Variants in ABCA1 observed in about 807,000 individuals in gnomAD.
The protein encoded by ABCA1 is phospholipid-transporting ATPase ABCA1.
In ABCA1, 133 loss-of-function variants were observed where a neutral mutation model predicts 262.5. The ratio of observed to expected loss-of-function variants is 0.51; its 90% CI spans 0.44 to 0.59. ABCA1 has a LOEUF of 0.59. ABCA1 is among the 20% of genes least tolerant of loss of function. The pLI is 0.00. For missense variants in ABCA1, 2,452 were observed against 2,777.5 expected, an observed-to-expected ratio of 0.88 and a Z score of 2.63; for synonymous variants, 1,022 against 1,043.5, an observed-to-expected ratio of 0.98 and a Z score of 0.40.
rs137990495 is a variant in ABCA1, at chr9:104,804,482, T to C, written c.4559+144A>G. The C allele has an allele frequency of 2.0e-3, 1,450 of 740,758 alleles. 6 individuals carry two copies. Among genetic ancestry groups the C allele is most frequent in the South Asian group, 4.4e-3 (305 of 69,428 alleles). The allele number at this position is 740,758 out of a possible 1,614,324, so 45.9% of individuals were successfully genotyped here. A position where few individuals can be genotyped will look rare whatever the true frequency, so the allele number is the denominator to read the frequency against. On this transcript the variant is annotated intron_variant, in intron 32 of 49. Transcript: ENST00000374736. Reference sequence around the variant, plus strand: ...CAGTCCCTCTCGTCATCTTTTCTAGTTTGGGATAATATCCTAAACTTCCAA... The same window carrying C: ...CAGTCCCTCTCGTCATCTTTTCTAGCTTGGGATAATATCCTAAACTTCCAA...
At chr9:104,878,838 A>G (rs1838374761) in intron 5 of ABCA1, among the ~76,000 whole-genome samples, 1 of 152,204 alleles carries the variant, frequency 6.6e-6, no homozygotes, top group African/African-American at 2.4e-5. Context: ...ATATCTACAA[A>G]TCACCTGTGT....
rs761777926 is a variant in ABCA1, at chr9:104,831,057, C to T, written c.1760G>A (p.Arg587Gln). ...GTAGGCGAAGCCCCCCCAGACGTAC[C>T]GCATGTCCTCAAAGGGGTCAGCTCG... ...GPRADPFEDMRYVWGGFAYLQ... is the reference protein window; with the variant it reads ...GPRADPFEDMQYVWGGFAYLQ... The change falls in exon 14 of 50, where the codon CGG becomes CAG. Residue 587 changes from arginine to glutamine, a missense_variant. Physicochemically the swap from Arg to Gln is conservative, Grantham distance 43 (BLOSUM62 1). Coordinates refer to ENST00000374736, the MANE Select transcript of ABCA1 (RefSeq NM_005502.4). 12 of 1,613,210 alleles carry T rather than the reference C, an allele frequency of 7.4e-6. No homozygotes were observed. The highest frequency in any genetic ancestry group is 1.7e-5 in the Admixed American group (1 of 59,930).
At chr9:104,868,578 C>T (rs72732695) in intron 5 of ABCA1, among the ~76,000 whole-genome samples, 2,351 of 152,266 alleles carry the variant, frequency 0.015, 27 homozygotes, top group Non-Finnish European at 0.023. Flanking sequence ...GAGGGCTCTC[C>T]CACCACAGTC....
chr9:104,830,644 C>A (rs1031925064), intron 14 of ABCA1, among the ~76,000 whole-genome samples: 2 of 151,492 alleles, frequency 1.3e-5, no homozygotes, highest in African/African-American at 2.4e-5. Flanking sequence ...GAGCCGAGAT[C>A]GAGCCACTGC....
At chr9:104,825,048 G>A (rs999880679) in intron 17 of ABCA1, among the ~76,000 whole-genome samples, 1 of 152,192 alleles carries the variant, frequency 6.6e-6, no homozygotes, top group South Asian at 2.1e-4. Flanking sequence ...TCCAACGCAG[G>A]TTCCTCTTGG....
chr9:104,883,739 G>A (rs757488458), intron 4 of ABCA1, among the ~76,000 whole-genome samples: 10 of 152,332 alleles, frequency 6.6e-5, no homozygotes, highest in Middle Eastern at 3.4e-3. Flanking sequence ...TGCCGCAGCT[G>A]CAGCTTCCTC....
chr9:104,838,994 G>C (rs1834111668), intron 9 of ABCA1, among the ~76,000 whole-genome samples: 1 of 152,024 alleles, frequency 6.6e-6, no homozygotes, highest in Non-Finnish European at 1.5e-5. Flanking sequence ...TTACTCCAGA[G>C]AAGAAAAGGT....
intron 3 of ABCA1, 152 bp from the exon 4 acceptor site, chr9:104,884,720 C>T: frequency 2.1e-6 from 2 of 937,466 alleles, no homozygotes; most frequent in South Asian, 1.4e-5. Flanking sequence ...AACTGACTCT[C>T]AGGTGGAAAC....
At chr9:104,865,293 G>C (rs1836988279) in intron 5 of ABCA1, among the ~76,000 whole-genome samples, 1 of 152,146 alleles carries the variant, frequency 6.6e-6, no homozygotes, top group South Asian at 2.1e-4. Flanking sequence ...GGCTGGGTGA[G>C]GTGGGCAGAT....
At chr9:104,858,876 G>A (rs1033434981) in intron 6 of ABCA1, among the ~76,000 whole-genome samples, 178 bp from the exon 7 acceptor site, 8 of 152,182 alleles carry the variant, frequency 5.3e-5, no homozygotes, top group Non-Finnish European at 1.0e-4. Context: ...ATGTATCAAA[G>A]CACAAGGCAC....
chr9:104,925,064 C>T (rs1373213498), intron 1 of ABCA1, among the ~76,000 whole-genome samples: 2 of 152,148 alleles, frequency 1.3e-5, no homozygotes, highest in Non-Finnish European at 2.9e-5. Flanking sequence ...TCACACAAAC[C>T]GAAAATATGT....
At chr9:104,842,431 A>G (rs568683606) in intron 8 of ABCA1, among the ~76,000 whole-genome samples, 3 of 152,138 alleles carry the variant, frequency 2.0e-5, no homozygotes, top group South Asian at 4.2e-4. Flanking sequence ...CCACTCCCCA[A>G]TCAAAAAAAA....
intron 30 of ABCA1, 71 bp from the exon 31 acceptor site, chr9:104,806,501 G>T (rs761117979): frequency 5.9e-5 from 87 of 1,470,314 alleles, no homozygotes; most frequent in Non-Finnish European, 8.0e-5. Flanking sequence ...CAGGAGCACA[G>T]GATCATTCCG....
At chr9:104,788,142 C>A in intron 45 of ABCA1, 88 bp from the exon 46 acceptor site, 1 of 1,381,356 alleles carries the variant, frequency 7.2e-7, no homozygotes, top group South Asian at 1.2e-5. Flanking sequence ...AGTTCTTTCA[C>A]TGAGTAGGAC....
At chr9:104,915,903 C>T (rs1841813426) in intron 1 of ABCA1, among the ~76,000 whole-genome samples, 1 of 152,106 alleles carries the variant, frequency 6.6e-6, no homozygotes, top group African/African-American at 2.4e-5. Flanking sequence ...AACGGAGTGC[C>T]ATCTGGGGTC....
At chr9:104,844,166 G>A (rs115761095) in intron 8 of ABCA1, among the ~76,000 whole-genome samples, 3 of 152,022 alleles carry the variant, frequency 2.0e-5, no homozygotes, top group African/African-American at 4.8e-5. Context: ...AGAGGGCTGC[G>A]AGGGGATCTG....
Position 104,883,142 on chromosome 9 carries a change from G to A in ABCA1, c.318C>T (p.Phe106=). 1.2e-6 allele frequency: 2 copies of A among 1,613,336 alleles called. No individual in the cohort carries two copies. The highest frequency in any genetic ancestry group is 1.7e-6 in the Non-Finnish European group (2 of 1,180,006). ...ATAAAAGAAGCCTCCGAGCATCTGA[G>A]AACAGGCGAGCCACACTGTAAAGGG... is the stretch of plus-strand genomic sequence containing the variant. The part of the protein sequence containing the change: ...NFNKSIVARL[F]SDARRLLLYS... The change falls in exon 5 of 50, where the codon TTC becomes TTT. Residue 106 remains phenylalanine, a synonymous_variant. Transcript: ENST00000374736.
At chr9:104,867,529 G>T (rs1408028344) in intron 5 of ABCA1, among the ~76,000 whole-genome samples, 2 of 152,208 alleles carry the variant, frequency 1.3e-5, no homozygotes, top group African/African-American at 4.8e-5. Context: ...GTATGCACAT[G>T]TGTGTATGTG....
chr9:104,789,661 T>C (rs1183050365), intron 44 of ABCA1, among the ~76,000 whole-genome samples: 2 of 152,222 alleles, frequency 1.3e-5, no homozygotes, highest in African/African-American at 4.8e-5. Flanking sequence ...CAGTAGGTAC[T>C]GCTTTATGAA....
Sources: gnomAD v4.1 joint callset for allele counts (sites outside exome capture counted in the v4.1 genomes callset) on GRCh38, gnomAD v4.1.1 for gene constraint, MANE v1.5 for transcripts, NCBI Gene and HGNC (gene_info 2026-07-23, HGNC 2026-07-21) for gene names.